Variants in FHIT observed in about 807,000 individuals in gnomAD.
FHIT encodes bis(5'-adenosyl)-triphosphatase.
A neutral mutation model predicts 17.9 loss-of-function variants in FHIT; 19 were observed. The ratio of observed to expected loss-of-function variants is 1.06; its 90% CI spans 0.74 to 1.56. The LOEUF (loss-of-function observed/expected upper bound fraction) is 1.56, where lower values mean the gene tolerates loss of function less well. Among genes scored for constraint, FHIT ranks in the 40% most tolerant of loss-of-function variants. The pLI is 0.00. For synonymous variants in FHIT, 81 were observed against 69.7 expected (o/e 1.16, Z -0.81); for missense variants, 248 against 189.2 (o/e 1.31, Z -1.82).
intron 4 of FHIT, among the ~76,000 whole-genome samples, chr3:60,812,339 T>A (rs1233986122): frequency 6.6e-6 from 1 of 151,824 alleles, no homozygotes; most frequent in Non-Finnish European, 1.5e-5. Context: ...TTTGTATTTT[T>A]AGTAGAGATG....
At chr3:60,619,261 T>TA (rs1166322438) in intron 4 of FHIT, among the ~76,000 whole-genome samples, 1 of 152,084 alleles carries the variant, frequency 6.6e-6, no homozygotes, top group Admixed American at 6.6e-5. Context: ...AATGTGCGCA[T>TA]AAAAAACTAA....
At chr3:60,210,707 C>G (rs1703410806) in intron 5 of FHIT, among the ~76,000 whole-genome samples, 2 of 152,102 alleles carry the variant, frequency 1.3e-5, no homozygotes. Flanking sequence ...TATAACATTC[C>G]TCACCTATCT....
chr3:60,497,381 A>C (rs1347776235), intron 5 of FHIT, among the ~76,000 whole-genome samples: 2 of 152,208 alleles, frequency 1.3e-5, no homozygotes, highest in East Asian at 1.9e-4. Flanking sequence ...CTGCCACATT[A>C]TTCTTTGTAC....
intron 5 of FHIT, among the ~76,000 whole-genome samples, chr3:60,211,312 T>C (rs1006531424): frequency 6.6e-6 from 1 of 152,044 alleles, no homozygotes; most frequent in African/African-American, 2.4e-5. Flanking sequence ...GTATATATTG[T>C]ATTTGTATTT....
chr3:59,986,538 T>C (rs867254686), intron 7 of FHIT, among the ~76,000 whole-genome samples: 5,380 of 11,110 alleles, frequency 0.48, 742 homozygotes, highest in Middle Eastern at 0.65. Context: ...TATATATATA[T>C]ATACACACAC....
At chr3:60,542,608 G>T (rs1489917004) in intron 4 of FHIT, among the ~76,000 whole-genome samples, 2 of 151,794 alleles carry the variant, frequency 1.3e-5, no homozygotes, top group Non-Finnish European at 2.9e-5. Flanking sequence ...CTTTCATATT[G>T]CTTTCCTCCC....
intron 5 of FHIT, among the ~76,000 whole-genome samples, chr3:60,205,952 C>T (rs1036703665): frequency 2.7e-5 from 4 of 149,382 alleles, no homozygotes; most frequent in African/African-American, 9.8e-5. Context: ...ACTAAAAATA[C>T]AAAAATAAAA....
chr3:60,620,943 C>T (rs1431393136), intron 4 of FHIT, among the ~76,000 whole-genome samples: 1 of 151,912 alleles, frequency 6.6e-6, no homozygotes, highest in African/African-American at 2.4e-5. Flanking sequence ...TTTCTGTAAA[C>T]CTAAAATTGT....
chr3:60,232,990 T>C (rs1471757311), intron 5 of FHIT, among the ~76,000 whole-genome samples: 1 of 152,088 alleles, frequency 6.6e-6, no homozygotes, highest in Admixed American at 6.5e-5. Flanking sequence ...TGGTGACAAA[T>C]GACAGCATGC....
At chr3:59,893,136 A>C (rs1703925990) in intron 8 of FHIT, among the ~76,000 whole-genome samples, 1 of 152,212 alleles carries the variant, frequency 6.6e-6, no homozygotes, top group Non-Finnish European at 1.5e-5. Context: ...CACCTGACTA[A>C]AGTTTGGCAT....
At chr3:60,017,934 C>T (rs1430624671) in intron 5 of FHIT, among the ~76,000 whole-genome samples, 1 of 152,196 alleles carries the variant, frequency 6.6e-6, no homozygotes, top group African/African-American at 2.4e-5. Flanking sequence ...CTGGCTTTCC[C>T]CCACTTTCCA....
intron 5 of FHIT, among the ~76,000 whole-genome samples, chr3:60,366,536 T>G (rs775873230): frequency 2.9e-4 from 44 of 152,312 alleles, no homozygotes; most frequent in Admixed American, 1.4e-3. Context: ...TAACAGTGAT[T>G]AGGTTATGGT....
At chr3:60,952,046 A>G (rs1030781441) in intron 3 of FHIT, among the ~76,000 whole-genome samples, 2 of 151,982 alleles carry the variant, frequency 1.3e-5, no homozygotes, top group African/African-American at 2.4e-5. Context: ...GGCACCTGTA[A>G]TCCCAGCTAC....
chr3:60,922,932 G>C (rs1045462192), intron 3 of FHIT, among the ~76,000 whole-genome samples: 5 of 152,148 alleles, frequency 3.3e-5, no homozygotes, highest in African/African-American at 1.2e-4. Context: ...ACTAGTATAA[G>C]TTAAACTTTG....
chr3:60,620,557 T>C (rs535310714), intron 4 of FHIT, among the ~76,000 whole-genome samples: 1 of 151,678 alleles, frequency 6.6e-6, no homozygotes, highest in South Asian at 2.1e-4. Context: ...GGCTGCATAC[T>C]GTGTGATTCC....
At chr3:60,027,104 CACAG>C (rs1166820764) in intron 5 of FHIT, among the ~76,000 whole-genome samples, 17 of 114,324 alleles carry the variant, frequency 1.5e-4, no homozygotes, top group Non-Finnish European at 2.6e-4. Context: ...CTGTTTCACA[CACAG>C]ACACACACAC....
At chr3:59,990,366 G>A (rs1469377961) in intron 7 of FHIT, among the ~76,000 whole-genome samples, 1 of 151,974 alleles carries the variant, frequency 6.6e-6, no homozygotes, top group Non-Finnish European at 1.5e-5. Context: ...CTGTGGATTT[G>A]TATCAGTTGC....
intron 3 of FHIT, among the ~76,000 whole-genome samples, chr3:61,012,250 G>C (rs553567427): frequency 3.5e-4 from 54 of 152,172 alleles, no homozygotes; most frequent in Non-Finnish European, 7.1e-4. Context: ...ATGGGCATTT[G>C]AGAAGCTTTG....
At chr3:60,577,929 G>A (rs1038771564) in intron 4 of FHIT, among the ~76,000 whole-genome samples, 53 of 151,996 alleles carry the variant, frequency 3.5e-4, no homozygotes, top group African/African-American at 1.2e-3. Context: ...TTCATAGCAC[G>A]CTCTTCAAAA....
Sources: allele counts gnomAD v4.1 joint callset (sites outside exome capture counted in the v4.1 genomes callset), GRCh38; gene constraint gnomAD v4.1.1; transcripts MANE v1.5; gene names NCBI Gene and HGNC (gene_info 2026-07-23, HGNC 2026-07-21).